Variants in ZBTB20 observed in about 807,000 individuals in gnomAD.
ZBTB20 encodes the protein zinc finger and BTB domain containing 20, also known as zinc finger and BTB domain-containing protein 20.
ZBTB20 carries 9 observed loss-of-function variants against 56.9 expected under a neutral mutation model. The ratio of observed to expected loss-of-function variants is 0.16; its 90% CI spans 0.10 to 0.28. ZBTB20 has a LOEUF of 0.28. Ranked by LOEUF, ZBTB20 falls within the 10% of genes least tolerant of loss-of-function variation. The probability of loss-of-function intolerance (pLI) is 1.00; values close to 1 mark genes in which losing one functional copy is unlikely to be tolerated. For synonymous variants in ZBTB20, 417 were observed against 420.7 expected, an observed-to-expected ratio of 0.99 and a Z score of 0.11; for missense variants, 655 against 1,003.0, an observed-to-expected ratio of 0.65 and a Z score of 4.69.
intron 1 of ZBTB20, among the ~76,000 whole-genome samples, chr3:115,119,478 A>G (rs2084118720): frequency 6.6e-6 from 1 of 152,182 alleles, no homozygotes; most frequent in South Asian, 2.1e-4. Context: ...TATACATATT[A>G]TCTCATCTAA....
intron 1 of ZBTB20, among the ~76,000 whole-genome samples, chr3:115,140,515 C>G (rs1281496318): frequency 2.0e-5 from 3 of 151,770 alleles, no homozygotes; most frequent in Non-Finnish European, 4.4e-5. Flanking sequence ...CTGAGATTTA[C>G]TGAAAATGTG....
intron 10 of ZBTB20, among the ~76,000 whole-genome samples, chr3:114,368,347 T>C (rs2082645444): frequency 1.3e-5 from 2 of 152,208 alleles, no homozygotes; most frequent in South Asian, 4.1e-4. Flanking sequence ...GCCCCAGTCT[T>C]AGTCCATTAG....
intron 1 of ZBTB20, among the ~76,000 whole-genome samples, chr3:115,137,937 C>T (rs577263693): frequency 7.9e-5 from 12 of 152,172 alleles, no homozygotes; most frequent in African/African-American, 2.9e-4. Flanking sequence ...TAGGTTAGGA[C>T]TGATGATCAT....
chr3:114,581,331 C>A (rs1045287287), intron 6 of ZBTB20, among the ~76,000 whole-genome samples: 1 of 151,828 alleles, frequency 6.6e-6, no homozygotes, highest in Non-Finnish European at 1.5e-5. Context: ...GAAGAAAATA[C>A]AGAAAGGTAA....
At chr3:114,590,895 T>G (rs1397534670) in intron 6 of ZBTB20, among the ~76,000 whole-genome samples, 1 of 152,204 alleles carries the variant, frequency 6.6e-6, no homozygotes, top group Non-Finnish European at 1.5e-5. Context: ...TAGAGGATAA[T>G]CTCACAACTT....
At chr3:114,881,637 G>A (rs1178564067) in intron 4 of ZBTB20, among the ~76,000 whole-genome samples, 2 of 151,730 alleles carry the variant, frequency 1.3e-5, no homozygotes, top group African/African-American at 4.8e-5. Flanking sequence ...ACCAAGAATA[G>A]ACATCAGGGA....
rs776590020 is a variant in ZBTB20, at chr3:114,318,522, G to T, written c.*20483C>A. The T allele has an allele frequency of 6.6e-6, 1 of 152,352 alleles. No homozygotes were observed. The highest frequency in any genetic ancestry group is 1.5e-5 in the Non-Finnish European group (1 of 68,058). The allele number at this position is 152,352 out of a possible 1,614,324, so 9.4% of individuals were successfully genotyped here. On this transcript the variant is annotated 3_prime_UTR_variant, in exon 12 of 12. Coordinates refer to ENST00000675478, the MANE Select transcript of ZBTB20 (RefSeq NM_001348800.3). The stretch of plus-strand genomic sequence containing the variant: ...CCTCATCTCAGGATGGGAAAGTGTG[G>T]TTGCCCACTGAGAGGGTGAAGTCCC...
chr3:114,553,331 T>C (rs1169932343), intron 6 of ZBTB20, among the ~76,000 whole-genome samples: 1 of 152,166 alleles, frequency 6.6e-6, no homozygotes, highest in African/African-American at 2.4e-5. Flanking sequence ...AGAAAAAATA[T>C]AATAATTGAA....
At chr3:114,553,978 AGAT>A (rs2050893510) in intron 6 of ZBTB20, among the ~76,000 whole-genome samples, 1 of 152,316 alleles carries the variant, frequency 6.6e-6, no homozygotes, top group Admixed American at 6.5e-5. Flanking sequence ...TGTGATAAAG[AGAT>A]GATGTCTCCT....
intron 2 of ZBTB20, among the ~76,000 whole-genome samples, chr3:115,056,479 CAA>C (rs1001408259): frequency 6.6e-6 from 1 of 152,070 alleles, no homozygotes; most frequent in African/African-American, 2.4e-5. Flanking sequence ...ACATGATTTG[CAA>C]AGAGTCATGG....
intron 1 of ZBTB20, among the ~76,000 whole-genome samples, chr3:115,128,554 C>T (rs763634197): frequency 1.5e-4 from 23 of 151,678 alleles, no homozygotes; most frequent in Non-Finnish European, 2.5e-4. Context: ...ATCCTAGCTA[C>T]TCGGGAGGCT....
chr3:114,315,083 A>C lies in ZBTB20; in HGVS notation c.*23922T>G, dbSNP rs1014056280. Reference sequence around the variant, plus strand: ...CAACAATTTAAGAGTATAATGAGAAAAAAAAAGGAACAAACTCCCTCTCAA... The same window carrying C: ...CAACAATTTAAGAGTATAATGAGAACAAAAAAGGAACAAACTCCCTCTCAA... On this transcript the variant is annotated 3_prime_UTR_variant, in exon 12 of 12. Transcript: ENST00000675478. 14 of 152,174 alleles carry C rather than the reference A, an allele frequency of 9.2e-5. No homozygotes were observed. Among genetic ancestry groups the C allele is most frequent in the Non-Finnish European group, 8.8e-5 (6 of 68,028 alleles). The allele number at this position is 152,174 out of a possible 1,614,324, so 9.4% of individuals were successfully genotyped here.
At chr3:114,606,394 G>T (rs2057156177) in intron 6 of ZBTB20, among the ~76,000 whole-genome samples, 1 of 152,162 alleles carries the variant, frequency 6.6e-6, no homozygotes, top group Admixed American at 6.5e-5. Flanking sequence ...GGAGGAAGCA[G>T]TTGGGATTCA....
chr3:114,877,848 C>T (rs2076255779), intron 4 of ZBTB20, among the ~76,000 whole-genome samples: 2 of 151,972 alleles, frequency 1.3e-5, no homozygotes, highest in African/African-American at 4.8e-5. Context: ...AATTTGCATA[C>T]ATTTACATAC....
chr3:114,623,548 G>A (rs2058465393), intron 6 of ZBTB20, among the ~76,000 whole-genome samples: 1 of 152,162 alleles, frequency 6.6e-6, no homozygotes, highest in Non-Finnish European at 1.5e-5. Context: ...AAGGTCGGGT[G>A]TGGGGAGGTT....
At chr3:114,675,267 C>A (rs2061566427) in intron 6 of ZBTB20, among the ~76,000 whole-genome samples, 2 of 142,514 alleles carry the variant, frequency 1.4e-5, no homozygotes, top group Admixed American at 7.7e-5. Flanking sequence ...GGGAAAATTG[C>A]TCCTTGTAGC....
rs536123043 is a variant in ZBTB20, at chr3:114,683,534, TAATAATAAGGATTGAC to T, written c.-295+9978_-295+9993del. Among the ~76,000 whole-genome samples, 529 of 152,256 alleles carry T rather than the reference TAATAATAAGGATTGAC, an allele frequency of 3.5e-3. 2 individuals are homozygous for T. The highest frequency in any genetic ancestry group is 0.017 in the Middle Eastern group (5 of 294). On this transcript the variant is annotated intron_variant, in intron 6 of 11. Coordinates refer to ENST00000675478, the MANE Select transcript of ZBTB20 (RefSeq NM_001348800.3). ...TAGAAGGTAATCTCAGAGGGTAAGA[TAATAATAAGGATTGAC>T]AATAATAAGGATTGGCCAGGATCTC...
chr3:114,453,622 A>G (rs1576833720), intron 7 of ZBTB20: 1 of 152,192 alleles, frequency 6.6e-6, no homozygotes, highest in African/African-American at 2.4e-5. Context: ...GAGAAGATGC[A>G]TCCTGAACAA....
chr3:115,062,188 G>T (rs1028209447), intron 2 of ZBTB20, among the ~76,000 whole-genome samples: 1 of 152,172 alleles, frequency 6.6e-6, no homozygotes, highest in African/African-American at 2.4e-5. Context: ...AAACAGGGAA[G>T]CAGAGCAAAC....
Sources: gnomAD v4.1 joint callset for allele counts (sites outside exome capture counted in the v4.1 genomes callset) on GRCh38, gnomAD v4.1.1 for gene constraint, MANE v1.5 for transcripts, NCBI Gene and HGNC (gene_info 2026-07-23, HGNC 2026-07-21) for gene names.